Variants in NFX1 observed in about 807,000 individuals in gnomAD.
NFX1 encodes nuclear transcription factor, X-box binding 1.
A neutral mutation model predicts 137.2 loss-of-function variants in NFX1; 69 were observed. That is an observed-to-expected ratio of 0.50 (90% CI 0.41 to 0.61). The LOEUF (loss-of-function observed/expected upper bound fraction) is 0.61, where lower values mean the gene tolerates loss of function less well. Among genes scored for constraint, NFX1 ranks in the 20% least tolerant of loss-of-function variants. NFX1 has a pLI of 0.00. For synonymous variants in NFX1, 495 were observed against 474.1 expected, an observed-to-expected ratio of 1.04 and a Z score of -0.57; for missense variants, 1,167 against 1,391.0, an observed-to-expected ratio of 0.84 and a Z score of 2.56.
At chr9:33,290,928 C>A (rs922782997) in intron 1 of NFX1, among the ~76,000 whole-genome samples, 2 of 152,206 alleles carry the variant, frequency 1.3e-5, no homozygotes, top group Non-Finnish European at 2.9e-5. Flanking sequence ...AGGTCACAGC[C>A]AGTGACGGTG....
At chr9:33,305,669 T>C (rs1036431615) in intron 4 of NFX1, among the ~76,000 whole-genome samples, 3 of 152,010 alleles carry the variant, frequency 2.0e-5, no homozygotes, top group Non-Finnish European at 4.4e-5. Flanking sequence ...AAAAATATGG[T>C]GTTAGGTTGA....
At chr9:33,340,665 T>C (rs766445841) in intron 12 of NFX1, among the ~76,000 whole-genome samples, 12 of 152,206 alleles carry the variant, frequency 7.9e-5, no homozygotes, top group Non-Finnish European at 1.5e-4. Flanking sequence ...TTATGCTCTG[T>C]TTCCCTTTTA....
At chr9:33,367,056 C>T (rs962648489) in intron 22 of NFX1, among the ~76,000 whole-genome samples, 2 of 152,254 alleles carry the variant, frequency 1.3e-5, no homozygotes, top group Non-Finnish European at 2.9e-5. Context: ...GGCAAGGGGG[C>T]CTGCCCATCA....
chr9:33,318,137 A>G (rs935231543), intron 7 of NFX1, among the ~76,000 whole-genome samples: 1 of 152,118 alleles, frequency 6.6e-6, no homozygotes, highest in Admixed American at 6.6e-5. Context: ...ATGTTTTTAT[A>G]ATACTGCATT....
chr9:33,344,045 T>C lies in NFX1; in HGVS notation c.2225-24T>C, dbSNP rs10217130. On this transcript the variant is annotated intron_variant, in intron 13 of 23. Coordinates refer to ENST00000379540, the MANE Select transcript of NFX1 (RefSeq NM_002504.6). ...CATCCCAAACTCAGAAAGGATTCTT[T>C]TGTTTTACCTGCTGCTCCACCAGGT... 0.011 allele frequency: 18,337 copies of C among 1,613,442 alleles called. 1,042 individuals are homozygous for C. In the African/African-American group the frequency reaches 0.15, roughly 14 times the overall value.
chr9:33,350,271 T>C (rs1587868582), intron 15 of NFX1, among the ~76,000 whole-genome samples: 1 of 130,470 alleles, frequency 7.7e-6, no homozygotes, highest in Non-Finnish European at 1.5e-5. Context: ...GCCACCGCAC[T>C]CCAGCCTGGG....
intron 9 of NFX1, among the ~76,000 whole-genome samples, chr9:33,322,867 T>C (rs1822438633): frequency 6.6e-6 from 1 of 152,208 alleles, no homozygotes; most frequent in Non-Finnish European, 1.5e-5. Context: ...GTAACTAAAC[T>C]GTAGGCCATC....
At chr9:33,311,563 T>C (rs1406986862) in intron 6 of NFX1, among the ~76,000 whole-genome samples, 1 of 152,128 alleles carries the variant, frequency 6.6e-6, no homozygotes, top group African/African-American at 2.4e-5. Context: ...AAGGATTTTT[T>C]TTTTTTTGAG....
intron 9 of NFX1, among the ~76,000 whole-genome samples, 189 bp downstream of exon 9, chr9:33,319,316 A>G (rs189463074): frequency 7.9e-5 from 12 of 152,318 alleles, no homozygotes; most frequent in Admixed American, 7.8e-4. Context: ...ACATTTGCCC[A>G]AATGATCTCT....
At chr9:33,298,134 G>C (rs564240024) in intron 2 of NFX1, among the ~76,000 whole-genome samples, 1 of 152,218 alleles carries the variant, frequency 6.6e-6, no homozygotes, top group Non-Finnish European at 1.5e-5. Flanking sequence ...TAATATGTCA[G>C]GTGGTGATAA....
chr9:33,334,002 A>G (rs1487671564), intron 11 of NFX1, among the ~76,000 whole-genome samples: 2 of 152,094 alleles, frequency 1.3e-5, no homozygotes, highest in African/African-American at 4.8e-5. Context: ...AAAATTAGCC[A>G]AGTACAGTGG....
chr9:33,357,931 C>T (rs1587876032), intron 19 of NFX1, among the ~76,000 whole-genome samples: 1 of 152,170 alleles, frequency 6.6e-6, no homozygotes, highest in Middle Eastern at 3.4e-3. Flanking sequence ...TGGTATTTAA[C>T]TTGTAGGTCA....
At chr9:33,353,279 A>T (rs1171992765) in intron 17 of NFX1, among the ~76,000 whole-genome samples, 1 of 152,244 alleles carries the variant, frequency 6.6e-6, no homozygotes, top group Non-Finnish European at 1.5e-5. Context: ...TGTCATTGAC[A>T]CAGCCAGGGC....
At chr9:33,300,065 ATTTTTTTTTTT>A (rs34826491) in intron 2 of NFX1, among the ~76,000 whole-genome samples, 1 of 100,276 alleles carries the variant, frequency 1.0e-5, no homozygotes, top group South Asian at 3.1e-4. Flanking sequence ...ATGTTATAGC[ATTTTTTTTTTT>A]TTTTTTTTTT....
At position 33,318,616 on chromosome 9, in the gene NFX1, C is replaced by T. The variant is rs983239706; in HGVS notation, c.1589-115C>T. ...GTACTCTATTTGGCCTCCCAGATTACAGGCATGAGCGACTGTGCCAGGCCC... is the reference window on the plus strand; with the variant it reads ...GTACTCTATTTGGCCTCCCAGATTATAGGCATGAGCGACTGTGCCAGGCCC... On this transcript the variant is annotated intron_variant, in intron 7 of 23. Transcript: ENST00000379540. The T allele has an allele frequency of 4.8e-5, 44 of 911,384 alleles. No homozygotes were observed. The Middle Eastern group carries it at 1.2e-3, about 24-fold the overall frequency. 56.5% of individuals were successfully genotyped at this position (911,384 alleles called of 1,614,324 possible). A position where few individuals can be genotyped will look rare whatever the true frequency, so the allele number is the denominator to read the frequency against.
intron 21 of NFX1, 176 bp downstream of exon 21, chr9:33,364,950 G>A (rs543383368): frequency 2.1e-6 from 3 of 1,422,076 alleles, no homozygotes; most frequent in Non-Finnish European, 2.8e-6. Flanking sequence ...GTGGAAGCCT[G>A]TCCTGGTTCA....
intron 17 of NFX1, chr9:33,352,940 G>A (rs577531923): frequency 1.3e-4 from 64 of 497,706 alleles, no homozygotes; most frequent in Admixed American, 6.1e-4. Context: ...TGTTTGTTTT[G>A]TTTTGTTTTA....
chr9:33,352,696 T>G lies in NFX1; in HGVS notation c.2706T>G (p.Ser902=), dbSNP rs1185463767. ...CGRRKEMVIC[S]EASSTYQRIA... is the part of the protein sequence containing the mutation. ...GAAGAAAAGAGATGGTGATTTGCTC[T>G]GAAGCATCTAGTACTTATCAAAGGT... The change falls in exon 17 of 24, where the codon TCT becomes TCG. Residue 902 remains serine, a synonymous_variant. Transcript: ENST00000379540. The G allele has an allele frequency of 6.2e-7, 1 of 1,614,154 alleles. No individual in the cohort carries two copies. Among genetic ancestry groups the G allele is most frequent in the East Asian group, 2.2e-5 (1 of 44,886 alleles).
At chr9:33,367,651 CT>C in intron 23 of NFX1, 32 bp downstream of exon 23, 1 of 1,604,762 alleles carries the variant, frequency 6.2e-7, no homozygotes, top group African/African-American at 1.3e-5. Context: ...CCAAGGGGAC[CT>C]GTCTGTCCAG....
Sources: allele counts gnomAD v4.1 joint callset (sites outside exome capture counted in the v4.1 genomes callset), GRCh38; gene constraint gnomAD v4.1.1; transcripts MANE v1.5; gene names NCBI Gene and HGNC (gene_info 2026-07-23, HGNC 2026-07-21).